Variants in BTBD9 observed in about 807,000 individuals in gnomAD.
The protein encoded by BTBD9 is BTB domain containing 9, also known as BTB/POZ domain-containing protein 9.
In BTBD9, 49 loss-of-function variants were observed where a neutral mutation model predicts 64.3. The observed-to-expected ratio is 0.76, with a 90% CI of 0.61 to 0.97. BTBD9 has a LOEUF of 0.97. Among genes scored for constraint, BTBD9 ranks in the 50% least tolerant of loss-of-function variants. BTBD9 has a pLI of 0.00. For synonymous variants in BTBD9, 260 were observed against 274.7 expected (o/e 0.95, Z 0.53); for missense variants, 598 against 762.1 (o/e 0.78, Z 2.53).
chr6:38,500,523 C>T (rs1431602391), intron 6 of BTBD9, among the ~76,000 whole-genome samples: 4 of 152,170 alleles, frequency 2.6e-5, no homozygotes, highest in Non-Finnish European at 5.9e-5. Context: ...TTTCTCACTC[C>T]TCCCTTTGCA....
chr6:38,385,009 G>A (rs775253839), intron 6 of BTBD9, among the ~76,000 whole-genome samples: 58 of 151,502 alleles, frequency 3.8e-4, no homozygotes, highest in Non-Finnish European at 2.1e-4. Flanking sequence ...TGTCAATTCC[G>A]GTATCCCTGA....
chr6:38,482,656 C>G (rs9470887), intron 6 of BTBD9: 3 of 152,042 alleles, frequency 2.0e-5, no homozygotes, highest in Non-Finnish European at 4.4e-5. Flanking sequence ...TCTGGAGATA[C>G]AAAGATAACT....
At chr6:38,468,018 T>C (rs898076094) in intron 6 of BTBD9, among the ~76,000 whole-genome samples, 58 of 152,356 alleles carry the variant, frequency 3.8e-4, no homozygotes, top group Non-Finnish European at 7.6e-4. Context: ...GTAATTCCAA[T>C]AGAATTTCTG....
At chr6:38,553,648 A>T (rs1212864531) in intron 6 of BTBD9, among the ~76,000 whole-genome samples, 2 of 152,182 alleles carry the variant, frequency 1.3e-5, no homozygotes, top group Non-Finnish European at 2.9e-5. Flanking sequence ...GGGAAAAGAG[A>T]TAATGGCAAG....
intron 1 of BTBD9, among the ~76,000 whole-genome samples, chr6:38,633,016 G>A (rs1410434101): frequency 6.6e-6 from 1 of 152,134 alleles, no homozygotes; most frequent in African/African-American, 2.4e-5. Flanking sequence ...AAAAATAACT[G>A]GGGTCAAATA....
chr6:38,358,531 T>C (rs1764820806), intron 6 of BTBD9, among the ~76,000 whole-genome samples: 1 of 152,020 alleles, frequency 6.6e-6, no homozygotes, highest in Non-Finnish European at 1.5e-5. Flanking sequence ...GAAAAACAAA[T>C]AAATACCTCA....
intron 1 of BTBD9, among the ~76,000 whole-genome samples, chr6:38,598,818 G>A (rs1161235210): frequency 6.6e-6 from 1 of 152,146 alleles, no homozygotes; most frequent in African/African-American, 2.4e-5. Context: ...TCCGGAGGCT[G>A]AGGCAAGAGA....
chr6:38,419,631 G>T (rs1180515582), intron 6 of BTBD9, among the ~76,000 whole-genome samples: 1 of 152,154 alleles, frequency 6.6e-6, no homozygotes, highest in Non-Finnish European at 1.5e-5. Flanking sequence ...AGCACTTTGG[G>T]AGGCCGAGGC....
chr6:38,623,705 C>T (rs1030172493), intron 1 of BTBD9, among the ~76,000 whole-genome samples: 5 of 152,248 alleles, frequency 3.3e-5, no homozygotes, highest in African/African-American at 1.2e-4. Context: ...GACATGGCTT[C>T]TCCCCTTTCT....
At chr6:38,368,615 G>C (rs60308155) in intron 6 of BTBD9, among the ~76,000 whole-genome samples, 2,203 of 152,242 alleles carry the variant, frequency 0.014, 54 homozygotes, top group African/African-American at 0.05. Context: ...TTACAGGTGT[G>C]AGCCACCATG....
rs533598892 is a variant in BTBD9 at position 38,238,808 on chromosome 6, A to G, written c.1562+17601T>C. On this transcript the variant is annotated intron_variant, in intron 9 of 10. Transcript: ENST00000481247. ...TTTTATCATGCAGGTGAAGCCTCCA[A>G]GTAGTAGGTTTCAGACAGAATAGAC... 3.3e-5 allele frequency among the ~76,000 whole-genome samples: 5 copies of G among 152,200 alleles called. No homozygotes were observed. In the East Asian group the frequency reaches 9.7e-4, roughly 30 times the overall value.
chr6:38,566,958 T>C (rs1432656316), intron 6 of BTBD9, among the ~76,000 whole-genome samples: 1 of 152,220 alleles, frequency 6.6e-6, no homozygotes, highest in Non-Finnish European at 1.5e-5. Context: ...TAACAGTCCT[T>C]CTAATTTTTT....
At chr6:38,564,186 G>A (rs1775380119) in intron 6 of BTBD9, among the ~76,000 whole-genome samples, 1 of 152,078 alleles carries the variant, frequency 6.6e-6, no homozygotes, top group Non-Finnish European at 1.5e-5. Context: ...TACCTTTACT[G>A]TCCACTTGTG....
intron 3 of BTBD9, 100 bp downstream of exon 3, chr6:38,593,864 T>A (rs1270078430): frequency 4.5e-6 from 5 of 1,106,898 alleles, no homozygotes; most frequent in African/African-American, 1.6e-5. Flanking sequence ...TTGATACCAA[T>A]GATTTTTTTT....
At chr6:38,316,914 A>C (rs1048506811) in intron 7 of BTBD9, among the ~76,000 whole-genome samples, 14 of 152,204 alleles carry the variant, frequency 9.2e-5, no homozygotes, top group Non-Finnish European at 1.9e-4. Context: ...TTTGTCTGGC[A>C]AAGTATTTAT....
At chr6:38,179,617 G>A (rs778767790) in intron 10 of BTBD9, 18 of 456,662 alleles carry the variant, frequency 3.9e-5, no homozygotes, top group African/African-American at 3.0e-4. Context: ...GTTGGGGGCA[G>A]AGGCACCTCT....
intron 9 of BTBD9, among the ~76,000 whole-genome samples, chr6:38,216,154 T>C (rs540718846): frequency 1.3e-5 from 2 of 152,354 alleles, no homozygotes; most frequent in South Asian, 2.1e-4. Context: ...CAATTAAGAA[T>C]GCAACTCTGA....
intron 7 of BTBD9, among the ~76,000 whole-genome samples, chr6:38,303,334 C>G (rs1350910189): frequency 6.6e-6 from 1 of 151,646 alleles, no homozygotes; most frequent in African/African-American, 2.4e-5. Flanking sequence ...CATTCTATTT[C>G]TTAGGCTGCG....
At chr6:38,336,561 TG>T (rs749969037) in intron 7 of BTBD9, among the ~76,000 whole-genome samples, 46 of 152,146 alleles carry the variant, frequency 3.0e-4, no homozygotes, top group Non-Finnish European at 5.0e-4. Flanking sequence ...AAGAACAGCA[TG>T]GGGGTAACTG....
Sources: allele counts gnomAD v4.1 joint callset (sites outside exome capture counted in the v4.1 genomes callset), GRCh38; gene constraint gnomAD v4.1.1; transcripts MANE v1.5; gene names NCBI Gene and HGNC (gene_info 2026-07-23, HGNC 2026-07-21).